CEP112: variants seen among roughly 807,000 people sequenced by gnomAD.
CEP112 encodes centrosomal protein 112, also known as centrosomal protein of 112 kDa.
Under a neutral mutation model 153.0 loss-of-function variants are expected in CEP112, and 127 were observed. The observed-to-expected ratio is 0.83, with a 90% CI of 0.72 to 0.96. CEP112 has a LOEUF of 0.96. Ranked by LOEUF, CEP112 falls within the 40% of genes least tolerant of loss-of-function variation. The pLI is 0.00. For missense variants in CEP112, 1,089 were observed against 1,101.2 expected (o/e 0.99, Z 0.16); for synonymous variants, 358 against 374.4 (o/e 0.96, Z 0.51).
intron 21 of CEP112, among the ~76,000 whole-genome samples, chr17:65,843,960 ATTT>A (rs1207419547): frequency 3.9e-5 from 6 of 152,176 alleles, no homozygotes; most frequent in African/African-American, 1.4e-4. Context: ...TGCCAAAGAT[ATTT>A]GCCACAAAGA....
chr17:66,039,883 G>A (rs987001057), intron 12 of CEP112, among the ~76,000 whole-genome samples: 61 of 151,912 alleles, frequency 4.0e-4, no homozygotes, highest in African/African-American at 1.3e-3. Context: ...TATGCCTATG[G>A]GATTCATCCA....
intron 12 of CEP112, 71 bp from the exon 13 acceptor site, chr17:66,030,094 G>A (rs1044597885): frequency 5.6e-6 from 7 of 1,246,432 alleles, no homozygotes; most frequent in Non-Finnish European, 8.0e-6. Context: ...TAAGAAGCTT[G>A]AGGAACACGT....
At chr17:66,188,733 TTTTG>T (rs1185402554) in intron 1 of CEP112, among the ~76,000 whole-genome samples, 2 of 152,144 alleles carry the variant, frequency 1.3e-5, no homozygotes, top group African/African-American at 4.8e-5. Flanking sequence ...GTTTGGTTGG[TTTTG>T]TTTTACATGT....
Position 66,005,769 on chromosome 17 carries a change from C to G in CEP112, c.1657G>C (p.Ala553Pro), listed in dbSNP as rs748623295. ...SHLKHIYEKK[A>P]HDLQSELDKG... ...TCAAGTTCACTCTGCAAGTCATGAG[C>G]CTGCCATGACAAGAACATGGAAAAT... The change falls in exon 17 of 27, where the codon GCT (alanine) becomes CCT (proline). Residue 553 changes from alanine to proline, a missense_variant and splice_region_variant. Transcript: ENST00000535342. 8 of 1,595,162 alleles carry G rather than the reference C, an allele frequency of 5.0e-6. No homozygotes were observed. In the East Asian group the frequency reaches 1.4e-4, roughly 27 times the overall value.
At chr17:66,063,206 T>G (rs968525564) in intron 10 of CEP112, 125 bp from the exon 11 acceptor site, 3 of 459,448 alleles carry the variant, frequency 6.5e-6, no homozygotes, top group Non-Finnish European at 1.1e-5. Flanking sequence ...TGCTTTCTTC[T>G]AAAATATCTT....
chr17:66,029,385 C>A, intron 13 of CEP112, 133 bp from the exon 14 acceptor site: 1 of 775,650 alleles, frequency 1.3e-6, no homozygotes, highest in Non-Finnish European at 2.0e-6. Flanking sequence ...TTGTCAACTG[C>A]TTCTAAACAT....
intron 21 of CEP112, among the ~76,000 whole-genome samples, chr17:65,796,303 TATAA>T (rs1031391368): frequency 6.6e-6 from 1 of 152,174 alleles, no homozygotes. Flanking sequence ...CTGAAACCCT[TATAA>T]GATTAGCACA....
intron 23 of CEP112, among the ~76,000 whole-genome samples, chr17:65,709,764 C>T (rs2049085649): frequency 6.6e-6 from 1 of 152,228 alleles, no homozygotes. Flanking sequence ...CTCTGAGAAA[C>T]TTGATACTGC....
At chr17:65,726,464 C>A (rs2050186601) in intron 23 of CEP112, among the ~76,000 whole-genome samples, 1 of 152,038 alleles carries the variant, frequency 6.6e-6, no homozygotes, top group South Asian at 2.1e-4. Flanking sequence ...TAAAACTTGA[C>A]AAGTCTGAGG....
At chr17:66,156,718 G>A (rs1018019217) in intron 4 of CEP112, among the ~76,000 whole-genome samples, 4 of 152,068 alleles carry the variant, frequency 2.6e-5, no homozygotes, top group East Asian at 1.9e-4. Flanking sequence ...AACGCAGCAC[G>A]AGAACTTCGT....
chr17:65,681,653 C>T lies in CEP112; in HGVS notation c.2697+7476G>A, dbSNP rs1439832631. Among the ~76,000 whole-genome samples, 9 of 149,378 alleles carry T rather than the reference C, an allele frequency of 6.0e-5. No individual in the cohort carries two copies. In the East Asian group the frequency reaches 1.6e-3, roughly 26 times the overall value. The stretch of plus-strand genomic sequence containing the variant: ...CTTCCACTCTCTAAATCTCTATATT[C>T]TGTGAATTTTTCCTTTTTTTAATTT... On this transcript the variant is annotated intron_variant, in intron 24 of 26. Coordinates refer to ENST00000535342, the MANE Select transcript of CEP112 (RefSeq NM_001199165.4).
intron 11 of CEP112, among the ~76,000 whole-genome samples, chr17:66,057,222 A>G (rs1179555164): frequency 6.6e-6 from 1 of 152,218 alleles, no homozygotes; most frequent in Non-Finnish European, 1.5e-5. Context: ...GGCAAGAGAC[A>G]GGGGTCTCCT....
At chr17:65,880,239 C>A (rs2059012098) in intron 20 of CEP112, among the ~76,000 whole-genome samples, 2 of 152,046 alleles carry the variant, frequency 1.3e-5, no homozygotes, top group South Asian at 4.2e-4. Context: ...TTTAGATGAC[C>A]TATAATAACA....
intron 23 of CEP112, among the ~76,000 whole-genome samples, chr17:65,689,832 C>T (rs2048007463): frequency 6.6e-6 from 1 of 151,954 alleles, no homozygotes; most frequent in Admixed American, 6.6e-5. Context: ...CAATAATTAC[C>T]ACTGCATCAA....
chr17:65,902,538 A>C (rs1218541770), intron 19 of CEP112, among the ~76,000 whole-genome samples: 3 of 152,052 alleles, frequency 2.0e-5, no homozygotes, highest in Non-Finnish European at 2.9e-5. Context: ...GGGCATATTC[A>C]GTAAATCCTT....
At chr17:66,148,429 T>A (rs1309745861) in intron 4 of CEP112, among the ~76,000 whole-genome samples, 1 of 152,190 alleles carries the variant, frequency 6.6e-6, no homozygotes, top group Non-Finnish European at 1.5e-5. Context: ...TTGTATGGCA[T>A]CTGTAGATTA....
At chr17:65,931,099 C>G (rs1338409790) in intron 18 of CEP112, among the ~76,000 whole-genome samples, 2 of 152,106 alleles carry the variant, frequency 1.3e-5, no homozygotes, top group Non-Finnish European at 2.9e-5. Flanking sequence ...GCAAGTCTTT[C>G]TTTTGTATAT....
chr17:65,874,658 GATTT>G (rs2058766199), intron 20 of CEP112, among the ~76,000 whole-genome samples: 1 of 151,966 alleles, frequency 6.6e-6, no homozygotes, highest in African/African-American at 2.4e-5. Context: ...GGATGTTCAA[GATTT>G]ATTATGAAAA....
At chr17:65,847,546 C>A (rs926637703) in intron 21 of CEP112, among the ~76,000 whole-genome samples, 2 of 152,180 alleles carry the variant, frequency 1.3e-5, no homozygotes, top group African/African-American at 4.8e-5. Context: ...TGCTTGACTT[C>A]CTTCCTCCAT....
Sources: gnomAD v4.1 joint callset for allele counts (sites outside exome capture counted in the v4.1 genomes callset) on GRCh38, gnomAD v4.1.1 for gene constraint, MANE v1.5 for transcripts, NCBI Gene and HGNC (gene_info 2026-07-23, HGNC 2026-07-21) for gene names.